LGR5: variants seen among roughly 807,000 people sequenced by gnomAD.
LGR5 encodes leucine-rich repeat-containing G protein-coupled receptor 5.
A neutral mutation model predicts 76.7 loss-of-function variants in LGR5; 54 were observed. That is an observed-to-expected ratio of 0.70 (90% CI 0.57 to 0.88). LGR5 has a LOEUF of 0.88. Ranked by LOEUF, LGR5 falls within the 40% of genes least tolerant of loss-of-function variation. The pLI is 0.00. For missense variants in LGR5, 1,078 were observed against 1,073.3 expected (o/e 1.00, Z -0.06); for synonymous variants, 406 against 421.9 (o/e 0.96, Z 0.46).
chr12:71,440,390 T>A lies in LGR5; in HGVS notation c.212+98T>A. The A allele has an allele frequency of 1.7e-6, 2 of 1,196,138 alleles. No homozygotes were observed. The highest frequency in any genetic ancestry group is 2.4e-6 in the Non-Finnish European group (2 of 831,122). 74.1% of individuals were successfully genotyped at this position (1,196,138 alleles called of 1,614,324 possible). On this transcript the variant is annotated intron_variant, in intron 1 of 17. Transcript: ENST00000266674. The surrounding 1 kb of genome is among the most constrained non-coding windows in gnomAD (Gnocchi z 5.3). Reference sequence around the variant, plus strand: ...AGGCTCCTCGGCGCCCGCCTGCTCGTGGGGGAGGGGGGCGAGTTTGTCAAG... The same window carrying A: ...AGGCTCCTCGGCGCCCGCCTGCTCGAGGGGGAGGGGGGCGAGTTTGTCAAG...
intron 6 of LGR5, among the ~76,000 whole-genome samples, chr12:71,558,712 C>T (rs941145921): frequency 6.6e-6 from 1 of 152,208 alleles, no homozygotes; most frequent in African/African-American, 2.4e-5. Context: ...GATCTAACCA[C>T]ATCTGATTGC....
At chr12:71,524,783 C>T (rs1432252619) in intron 3 of LGR5, among the ~76,000 whole-genome samples, 3 of 152,012 alleles carry the variant, frequency 2.0e-5, no homozygotes, top group African/African-American at 7.3e-5. Flanking sequence ...AATTGGGGTG[C>T]GTGTCTTCAA....
At position 71,513,442 on chromosome 12, in the gene LGR5, C is replaced by A. The variant is rs1385508717; in HGVS notation, c.284+8757C>A. On this transcript the variant is annotated intron_variant, in intron 2 of 17. Transcript: ENST00000266674. Reference sequence around the variant, plus strand: ...GCTCCTGACCAACCTAAGCTTAAGACCAGCCTTCCTTTAACCAGAGTAATA... The same window carrying A: ...GCTCCTGACCAACCTAAGCTTAAGAACAGCCTTCCTTTAACCAGAGTAATA... Among the ~76,000 whole-genome samples the A allele has an allele frequency of 2.0e-5, 3 of 152,292 alleles. No homozygotes were observed. The East Asian group carries it at 5.8e-4, about 29-fold the overall frequency.
chr12:71,504,731 A>C, intron 2 of LGR5, 46 bp downstream of exon 2: 1 of 1,425,780 alleles, frequency 7.0e-7, no homozygotes. Context: ...CACTGGGCAC[A>C]TTCTTGTGTT....
chr12:71,446,819 T>G (rs1037784719), intron 1 of LGR5, among the ~76,000 whole-genome samples: 2 of 152,200 alleles, frequency 1.3e-5, no homozygotes, highest in Non-Finnish European at 2.9e-5. Flanking sequence ...ATTATATAGT[T>G]TAGGGCCAAT....
chr12:71,467,632 T>C (rs1872918670), intron 1 of LGR5, among the ~76,000 whole-genome samples: 1 of 152,204 alleles, frequency 6.6e-6, no homozygotes, highest in South Asian at 2.1e-4. Context: ...ATTAGTAATA[T>C]CAAAAAATAT....
At position 71,457,245 on chromosome 12, in the gene LGR5, C is replaced by T. The variant is rs74586593; in HGVS notation, c.212+16953C>T. 4.5e-3 allele frequency among the ~76,000 whole-genome samples: 685 copies of T among 152,192 alleles called. 4 individuals are homozygous for T. The highest frequency in any genetic ancestry group is 7.2e-3 in the Non-Finnish European group (487 of 67,992). ...CGCAGTCCCTGTTGGAAACAGAGTC[C>T]GGCCTGGCCGTGGGAAATACCTACA... On this transcript the variant is annotated intron_variant, in intron 1 of 17. Coordinates refer to ENST00000266674, the MANE Select transcript of LGR5 (RefSeq NM_003667.4).
At chr12:71,538,040 A>G (rs1876689143) in intron 4 of LGR5, among the ~76,000 whole-genome samples, 1 of 152,000 alleles carries the variant, frequency 6.6e-6, no homozygotes, top group Non-Finnish European at 1.5e-5. Flanking sequence ...TACCCTTGAT[A>G]GGGGCTGTGA....
At chr12:71,582,687 A>G (rs1057099618) in intron 17 of LGR5, 148 bp downstream of exon 17, 4 of 590,996 alleles carry the variant, frequency 6.8e-6, no homozygotes, top group Non-Finnish European at 9.1e-6. Context: ...TGTCAAATAC[A>G]AATGTTCATT....
At chr12:71,523,597 T>A (rs560096421) in intron 2 of LGR5, among the ~76,000 whole-genome samples, 1 of 152,314 alleles carries the variant, frequency 6.6e-6, no homozygotes, top group East Asian at 1.9e-4. Flanking sequence ...CACATTGTTG[T>A]TTTTGCATTT....
chr12:71,578,951 A>G, intron 15 of LGR5, 22 bp downstream of exon 15: 1 of 1,587,626 alleles, frequency 6.3e-7, no homozygotes, highest in Non-Finnish European at 8.6e-7. Context: ...ATTAAAACTA[A>G]TAAGATACAT....
chr12:71,477,632 T>C (rs17814907), intron 1 of LGR5, among the ~76,000 whole-genome samples: 3,697 of 152,206 alleles, frequency 0.024, 60 homozygotes, highest in Non-Finnish European at 0.039. Flanking sequence ...TTTGTATGAA[T>C]TGATAAAATC....
intron 1 of LGR5, among the ~76,000 whole-genome samples, chr12:71,453,271 G>C (rs897861432): frequency 3.3e-5 from 5 of 152,048 alleles, no homozygotes; most frequent in Admixed American, 1.3e-4. Flanking sequence ...TTTTAAATGA[G>C]GTTTCATATT....
At chr12:71,464,401 A>G (rs904985664) in intron 1 of LGR5, among the ~76,000 whole-genome samples, 14 of 152,218 alleles carry the variant, frequency 9.2e-5, no homozygotes, top group Non-Finnish European at 1.8e-4. Context: ...ACTTTGAACT[A>G]CAAGTGAAAT....
chr12:71,471,351 T>C (rs1873093985), intron 1 of LGR5, among the ~76,000 whole-genome samples: 1 of 152,180 alleles, frequency 6.6e-6, no homozygotes, highest in Non-Finnish European at 1.5e-5. Context: ...TGATACAATA[T>C]GAATGAGCCT....
intron 2 of LGR5, among the ~76,000 whole-genome samples, chr12:71,523,928 T>C (rs2137341211): frequency 6.6e-6 from 1 of 152,318 alleles, no homozygotes; most frequent in Non-Finnish European, 1.5e-5. Context: ...AAAAAATTGA[T>C]TGTGATAGTC....
intron 16 of LGR5, among the ~76,000 whole-genome samples, chr12:71,581,323 C>A (rs959572156): frequency 6.6e-6 from 1 of 152,196 alleles, no homozygotes; most frequent in Admixed American, 6.5e-5. Flanking sequence ...TGAATTAAGA[C>A]GTTACCTAAA....
At chr12:71,497,820 TAAAG>T (rs928991020) in intron 1 of LGR5, among the ~76,000 whole-genome samples, 30 of 152,162 alleles carry the variant, frequency 2.0e-4, no homozygotes, top group African/African-American at 6.8e-4. Context: ...TGGCAGAGAT[TAAAG>T]AAAGAGCATC....
chr12:71,539,040 T>G (rs1161872726), intron 4 of LGR5, among the ~76,000 whole-genome samples: 5 of 152,196 alleles, frequency 3.3e-5, no homozygotes, highest in African/African-American at 1.2e-4. Flanking sequence ...AGAGGCCACA[T>G]GCTCTATCAC....
Sources: gnomAD v4.1 joint callset for allele counts (sites outside exome capture counted in the v4.1 genomes callset) on GRCh38, gnomAD v4.1.1 for gene constraint, Gnocchi (gnomAD v3.1) non-coding constraint, MANE v1.5 for transcripts, NCBI Gene and HGNC (gene_info 2026-07-23, HGNC 2026-07-21) for gene names.